Variants in SMAD2 observed in about 807,000 individuals in gnomAD.
The protein encoded by SMAD2 is SMAD family member 2.
SMAD2 carries 8 observed loss-of-function variants against 64.4 expected under a neutral mutation model. That is an observed-to-expected ratio of 0.12 (90% CI 0.07 to 0.22). The LOEUF (loss-of-function observed/expected upper bound fraction) is 0.22, where lower values mean the gene tolerates loss of function less well. Among genes scored for constraint, SMAD2 ranks in the 10% least tolerant of loss-of-function variants. The pLI, the probability that SMAD2 is intolerant of heterozygous loss-of-function variation, is 1.00. For synonymous variants in SMAD2, 203 were observed against 195.8 expected, an observed-to-expected ratio of 1.04 and a Z score of -0.31; for missense variants, 289 against 561.2, an observed-to-expected ratio of 0.51 and a Z score of 4.90.
At chr18:47,874,592 A>G (rs543781008) in intron 2 of SMAD2, among the ~76,000 whole-genome samples, 50 of 152,304 alleles carry the variant, frequency 3.3e-4, no homozygotes, top group African/African-American at 1.2e-3. Flanking sequence ...CCAAAACAGA[A>G]AAAGTCCCAA....
At chr18:47,874,901 T>A (rs1372252696) in intron 2 of SMAD2, among the ~76,000 whole-genome samples, 4 of 151,786 alleles carry the variant, frequency 2.6e-5, no homozygotes, top group Non-Finnish European at 5.9e-5. Flanking sequence ...ATTGTAAAAA[T>A]AAAACAGAAG....
chr18:47,849,707 T>A (rs982687540), intron 7 of SMAD2, among the ~76,000 whole-genome samples: 2 of 152,136 alleles, frequency 1.3e-5, no homozygotes, highest in Non-Finnish European at 2.9e-5. Flanking sequence ...ATATTTGTTA[T>A]ACTGTATTTT....
chr18:47,928,346 T>C (rs2034851559), intron 1 of SMAD2, among the ~76,000 whole-genome samples: 1 of 152,172 alleles, frequency 6.6e-6, no homozygotes, highest in Non-Finnish European at 1.5e-5. Flanking sequence ...TGGCCAGCGG[T>C]TTACACAGCT....
chr18:47,856,322 G>T (rs776604815), intron 6 of SMAD2, among the ~76,000 whole-genome samples: 2 of 152,130 alleles, frequency 1.3e-5, no homozygotes, highest in African/African-American at 2.4e-5. Flanking sequence ...TGGAAATTTA[G>T]TAAGTCAATT....
chr18:47,884,943 G>A (rs1296048082), intron 2 of SMAD2, among the ~76,000 whole-genome samples: 12 of 151,982 alleles, frequency 7.9e-5, no homozygotes, highest in Non-Finnish European at 2.9e-5. Context: ...AAAAAACAAA[G>A]TATCTCCCAC....
chr18:47,879,945 A>G (rs1305016048), intron 2 of SMAD2, among the ~76,000 whole-genome samples: 1 of 152,194 alleles, frequency 6.6e-6, no homozygotes, highest in African/African-American at 2.4e-5. Context: ...TACCGATATT[A>G]CACATTTTTC....
chr18:47,895,819 C>T (rs1264226900), intron 2 of SMAD2: 2 of 152,676 alleles, frequency 1.3e-5, no homozygotes, highest in African/African-American at 4.8e-5. Context: ...CGGTATGACA[C>T]TGCAAACTAT....
rs1913192091 is a variant in SMAD2 at position 47,834,219 on chromosome 18, G to A, written c.*7608C>T. ...GATAAATCACAAGAACACCTAAGGTGGTCAGCTCCTTCTGGTGTGCCTGGG... is the reference window on the plus strand; with the variant it reads ...GATAAATCACAAGAACACCTAAGGTAGTCAGCTCCTTCTGGTGTGCCTGGG... On this transcript the variant is annotated 3_prime_UTR_variant, in exon 11 of 11. Coordinates refer to ENST00000262160, the MANE Select transcript of SMAD2 (RefSeq NM_005901.6). 2 of 211,360 alleles carry A rather than the reference G, an allele frequency of 9.5e-6. No individual in the cohort carries two copies. Among genetic ancestry groups the A allele is most frequent in the Non-Finnish European group, 9.6e-6 (1 of 104,352 alleles). The allele number at this position is 211,360 out of a possible 1,614,324, so 13.1% of individuals were successfully genotyped here. A position where few individuals can be genotyped will look rare whatever the true frequency, so the allele number is the denominator to read the frequency against.
At chr18:47,906,072 T>G (rs567279809) in intron 1 of SMAD2, among the ~76,000 whole-genome samples, 14 of 150,712 alleles carry the variant, frequency 9.3e-5, no homozygotes, top group African/African-American at 3.4e-4. Flanking sequence ...CCAAGATCAC[T>G]CCATTGCACT....
intron 2 of SMAD2, among the ~76,000 whole-genome samples, chr18:47,894,558 C>A (rs555293921): frequency 2.8e-4 from 42 of 152,176 alleles, no homozygotes; most frequent in Non-Finnish European, 5.3e-4. Context: ...CTCCACACCA[C>A]CGCACTACAT....
chr18:47,903,908 C>T (rs1316344093), intron 1 of SMAD2, among the ~76,000 whole-genome samples: 1 of 135,030 alleles, frequency 7.4e-6, no homozygotes, highest in East Asian at 2.2e-4. Context: ...TATCCAAAAC[C>T]AAATGTCAGT....
rs1912927066 is a variant in SMAD2 at position 47,830,038 on chromosome 18, C to T, written c.*11789G>A. ...CACAGTGGTTTGCAGGCCACTAATT[C>T]TTTTACAGATGAAAGCATTCAATTA... On this transcript the variant is annotated 3_prime_UTR_variant, in exon 11 of 11. Coordinates refer to ENST00000262160, the MANE Select transcript of SMAD2 (RefSeq NM_005901.6). 6.6e-6 allele frequency: 1 copy of T among 152,168 alleles called. No homozygotes were observed. The highest frequency in any genetic ancestry group is 1.5e-5 in the Non-Finnish European group (1 of 68,030). The allele number at this position is 152,168 out of a possible 1,614,324, so 9.4% of individuals were successfully genotyped here.
Position 47,928,181 on chromosome 18 carries a change from T to C in SMAD2, c.-54+2180A>G, listed in dbSNP as rs996006559. 3.3e-5 allele frequency among the ~76,000 whole-genome samples: 5 copies of C among 152,188 alleles called. No homozygotes were observed. In the East Asian group the frequency reaches 5.8e-4, roughly 18 times the overall value. On this transcript the variant is annotated intron_variant, in intron 1 of 10. Transcript: ENST00000262160. ...CAGACTGCACTAAATACAGCTTTTA[T>C]ATGCATTACAAAAACACCTGTATAA... is the stretch of plus-strand genomic sequence containing the variant.
chr18:47,929,871 A>C (rs2034927658), intron 1 of SMAD2, among the ~76,000 whole-genome samples: 1 of 152,192 alleles, frequency 6.6e-6, no homozygotes, highest in South Asian at 2.1e-4. Flanking sequence ...CACCCGCAGA[A>C]CAACTTTCAC....
chr18:47,911,874 A>C (rs1598883447), intron 1 of SMAD2, among the ~76,000 whole-genome samples: 1 of 152,222 alleles, frequency 6.6e-6, no homozygotes, highest in East Asian at 1.9e-4. Flanking sequence ...CTACCAACTA[A>C]TAACCTGGGA....
chr18:47,850,607 AATATATATTATATATTAT>A (rs1915317921), intron 7 of SMAD2, among the ~76,000 whole-genome samples: 1 of 55,808 alleles, frequency 1.8e-5, no homozygotes, highest in Admixed American at 3.8e-4. Context: ...TATTATGTAT[AATATATATTATATATTAT>A]ATATATATTA....
At position 47,820,833 on chromosome 18, in the gene SMAD2, ATATTC is replaced by A. The variant is rs1912544186; in HGVS notation, c.*20989_*20993del. 2.0e-5 allele frequency: 3 copies of A among 151,814 alleles called. No individual in the cohort carries two copies. In the South Asian group the frequency reaches 6.2e-4, roughly 31 times the overall value. The allele number at this position is 151,814 out of a possible 1,614,324, so 9.4% of individuals were successfully genotyped here. On this transcript the variant is annotated 3_prime_UTR_variant, in exon 11 of 11. Transcript: ENST00000262160. ...ATATGTATATGTACAATAATACAGT[ATATTC>A]TATACATATGCTATATATTTGTATA...
rs1342482339 is a variant in SMAD2, at chr18:47,810,928, T to A, written c.*30899A>T. On this transcript the variant is annotated 3_prime_UTR_variant, in exon 11 of 11. Coordinates refer to ENST00000262160, the MANE Select transcript of SMAD2 (RefSeq NM_005901.6). ...GTGGTTTTCTTATGCCAAAACAACT[T>A]CCGTGCCTGTCTTGTACTCTGAAGA... 6.6e-6 allele frequency: 1 copy of A among 152,228 alleles called. No individual in the cohort carries two copies. Among genetic ancestry groups the A allele is most frequent in the African/African-American group, 2.4e-5 (1 of 41,450 alleles). 9.4% of individuals were successfully genotyped at this position (152,228 alleles called of 1,614,324 possible).
At chr18:47,886,569 C>CTAT (rs1456341638) in intron 2 of SMAD2, among the ~76,000 whole-genome samples, 25 of 124,972 alleles carry the variant, frequency 2.0e-4, no homozygotes, top group African/African-American at 7.4e-4. Context: ...CTATATCTAT[C>CTAT]CATCTATCTA....
Sources: allele counts gnomAD v4.1 joint callset (sites outside exome capture counted in the v4.1 genomes callset), GRCh38; gene constraint gnomAD v4.1.1; transcripts MANE v1.5; gene names NCBI Gene and HGNC (gene_info 2026-07-23, HGNC 2026-07-21).